The following FRMD4A variants were observed in gnomAD, a reference collection of about 807,000 sequenced individuals.
The protein encoded by FRMD4A is FERM domain-containing protein 4A.
FRMD4A carries 29 observed loss-of-function variants against 129.1 expected under a neutral mutation model. The observed-to-expected ratio is 0.22, with a 90% CI of 0.17 to 0.31. The LOEUF (loss-of-function observed/expected upper bound fraction) is 0.31. Among genes scored for constraint, FRMD4A ranks in the 10% least tolerant of loss-of-function variants. FRMD4A has a pLI of 1.00. For synonymous variants in FRMD4A, 634 were observed against 571.6 expected (o/e 1.11, Z -1.56); for missense variants, 1,272 against 1,375.8 (o/e 0.92, Z 1.19).
At chr10:14,226,624 T>A (rs11258953) in intron 2 of FRMD4A, among the ~76,000 whole-genome samples, 58,436 of 151,982 alleles carry the variant, frequency 0.38, 11,831 homozygotes, top group South Asian at 0.46. Flanking sequence ...ATGGTCCATG[T>A]CTGTGTCCAA....
At chr10:13,958,333 G>A (rs185405145) in intron 2 of FRMD4A, among the ~76,000 whole-genome samples, 206 of 144,500 alleles carry the variant, frequency 1.4e-3, no homozygotes, top group African/African-American at 5.2e-3. Context: ...GCCCAGGCTG[G>A]AGTGCAGTGG....
At chr10:13,699,224 G>GTTTTTTTTTTTTTTTTTTTTTT (rs1168489802) in intron 14 of FRMD4A, among the ~76,000 whole-genome samples, 2 of 76,272 alleles carry the variant, frequency 2.6e-5, no homozygotes, top group Non-Finnish European at 4.9e-5. Flanking sequence ...CTTGGTTATT[G>GTTTTTTTTTTTTTTTTTTTTTT]TTTTTTTTTT....
chr10:13,862,345 T>G (rs998465843), intron 2 of FRMD4A, among the ~76,000 whole-genome samples: 5 of 152,224 alleles, frequency 3.3e-5, no homozygotes, highest in African/African-American at 1.2e-4. Flanking sequence ...ATAAAGAAGA[T>G]GAAATGTATC....
chr10:14,189,583 A>T (rs974781313), intron 2 of FRMD4A, among the ~76,000 whole-genome samples: 3 of 152,200 alleles, frequency 2.0e-5, no homozygotes, highest in African/African-American at 7.2e-5. Context: ...TCAAAAAAGA[A>T]AAAAGAGGAG....
At chr10:14,251,067 C>T (rs35927242) in intron 2 of FRMD4A, among the ~76,000 whole-genome samples, 5 of 150,960 alleles carry the variant, frequency 3.3e-5, no homozygotes, top group African/African-American at 1.2e-4. Flanking sequence ...CAGCCAGTAC[C>T]TAAACTGTGT....
intron 2 of FRMD4A, among the ~76,000 whole-genome samples, chr10:14,321,033 T>C (rs974663663): frequency 6.6e-6 from 1 of 152,242 alleles, no homozygotes; most frequent in Admixed American, 6.5e-5. Context: ...GCACTCATAG[T>C]TCTTCTATTT....
At chr10:14,194,037 G>T (rs1280112983) in intron 2 of FRMD4A, among the ~76,000 whole-genome samples, 2 of 152,122 alleles carry the variant, frequency 1.3e-5, no homozygotes, top group Non-Finnish European at 2.9e-5. Flanking sequence ...TACATAACTA[G>T]CTATACATGT....
intron 2 of FRMD4A, among the ~76,000 whole-genome samples, chr10:14,183,491 A>G (rs898822037): frequency 6.6e-6 from 1 of 151,568 alleles, no homozygotes; most frequent in Non-Finnish European, 1.5e-5. Context: ...ATGTGCCTCA[A>G]TGTGCATTAT....
chr10:14,287,209 G>A (rs775421341), intron 2 of FRMD4A, among the ~76,000 whole-genome samples: 8 of 152,108 alleles, frequency 5.3e-5, no homozygotes, highest in African/African-American at 1.2e-4. Context: ...TAGACTGGCC[G>A]TTGTGCTCTT....
At chr10:14,089,296 C>T (rs1441637505) in intron 2 of FRMD4A, among the ~76,000 whole-genome samples, 2 of 152,184 alleles carry the variant, frequency 1.3e-5, no homozygotes, top group Admixed American at 1.3e-4. Context: ...CCACCGTTGG[C>T]TGACTTCCCA....
chr10:13,967,653 G>C (rs1248130393), intron 2 of FRMD4A, among the ~76,000 whole-genome samples: 1 of 152,256 alleles, frequency 6.6e-6, no homozygotes, highest in Non-Finnish European at 1.5e-5. Context: ...TGGTCGTCTT[G>C]TCAAGTCATT....
At chr10:13,777,777 T>A (rs1306062281) in intron 6 of FRMD4A, among the ~76,000 whole-genome samples, 1 of 149,368 alleles carries the variant, frequency 6.7e-6, no homozygotes, top group East Asian at 2.0e-4. Flanking sequence ...TCTGCCCAAG[T>A]AGGCTTTGGG....
chr10:13,953,857 C>T (rs2095390832), intron 2 of FRMD4A, among the ~76,000 whole-genome samples: 2 of 152,114 alleles, frequency 1.3e-5, no homozygotes, highest in East Asian at 3.9e-4. Context: ...GAAGGGACCC[C>T]CTCAAGGATA....
At chr10:14,135,823 G>A (rs1191935707) in intron 2 of FRMD4A, among the ~76,000 whole-genome samples, 5 of 152,122 alleles carry the variant, frequency 3.3e-5, no homozygotes, top group South Asian at 4.1e-4. Flanking sequence ...TCTACTTCCC[G>A]CAAATAGAAC....
chr10:13,909,557 A>T (rs1289838930), intron 2 of FRMD4A, among the ~76,000 whole-genome samples: 1 of 152,254 alleles, frequency 6.6e-6, no homozygotes, highest in Admixed American at 6.5e-5. Context: ...TTATGAATGC[A>T]AAAGGTGTCA....
At chr10:13,908,383 G>C (rs2094905845) in intron 2 of FRMD4A, among the ~76,000 whole-genome samples, 1 of 151,998 alleles carries the variant, frequency 6.6e-6, no homozygotes. Context: ...ATTTGTTTCT[G>C]TCCTTTGCAT....
intron 2 of FRMD4A, among the ~76,000 whole-genome samples, chr10:13,917,042 G>A (rs990741062): frequency 6.6e-6 from 1 of 152,182 alleles, no homozygotes; most frequent in African/African-American, 2.4e-5. Flanking sequence ...TCTCAAAACA[G>A]TGTTTTAAAA....
At position 13,819,921 on chromosome 10, in the gene FRMD4A, A is replaced by T. The variant is rs75766284; in HGVS notation, c.112-9013T>A. On this transcript the variant is annotated intron_variant, in intron 3 of 24. Transcript: ENST00000357447. ...GTGTTTTTAGTAGAGATGACGTTTC[A>T]ACATGTTGGCCAGGCTGGTCTCGAA... is the stretch of plus-strand genomic sequence containing the variant. Among the ~76,000 whole-genome samples the T allele has an allele frequency of 7.4e-3, 1,128 of 152,284 alleles. 15 individuals carry two copies. Among genetic ancestry groups the T allele is most frequent in the African/African-American group, 0.025 (1,049 of 41,562 alleles).
intron 2 of FRMD4A, chr10:13,890,584 G>A: frequency 1.0e-6 from 1 of 985,114 alleles, no homozygotes; most frequent in Non-Finnish European, 1.2e-6. Context: ...CTCAGACTTA[G>A]AAATGTGCCT....
Sources: allele counts gnomAD v4.1 joint callset (sites outside exome capture counted in the v4.1 genomes callset), GRCh38; gene constraint gnomAD v4.1.1; transcripts MANE v1.5; gene names NCBI Gene and HGNC (gene_info 2026-07-23, HGNC 2026-07-21).